The following VIM variants were observed in gnomAD, a reference collection of about 807,000 sequenced individuals.
VIM encodes the protein epididymis secretory sperm binding protein.
In VIM, 18 loss-of-function variants were observed where a neutral mutation model predicts 50.3. That is an observed-to-expected ratio of 0.36 (90% confidence interval 0.25 to 0.53). VIM has a LOEUF of 0.53. Ranked by LOEUF, VIM falls within the 20% of genes least tolerant of loss-of-function variation. The probability of loss-of-function intolerance (pLI) is 0.91; values close to 1 mark genes in which losing one functional copy is unlikely to be tolerated. For synonymous variants in VIM, 245 were observed against 248.5 expected, an observed-to-expected ratio of 0.99 and a Z score of 0.13; for missense variants, 551 against 614.7, an observed-to-expected ratio of 0.90 and a Z score of 1.10.
intron 3 of VIM, among the ~76,000 whole-genome samples, chr10:17,231,415 A>T (rs906515167): frequency 1.3e-5 from 2 of 152,212 alleles, no homozygotes; most frequent in African/African-American, 4.8e-5. Context: ...TATGGGCTTC[A>T]CTATGGAATG....
chr10:17,235,023 G>C, intron 6 of VIM, 146 bp from the exon 7 acceptor site: 1 of 1,161,270 alleles, frequency 8.6e-7, no homozygotes, highest in South Asian at 1.3e-5. Context: ...TAATATGAAG[G>C]ACTTGGTACT....
chr10:17,229,144 A>ACCACCC, intron 1 of VIM, 132 bp from the exon 2 acceptor site: 1 of 176,160 alleles, frequency 5.7e-6, no homozygotes, highest in South Asian at 6.2e-5. Flanking sequence ...GGGCGCCCCC[A>ACCACCC]CCCCACCCGC....
chr10:17,230,466 G>A (rs1846768198), intron 2 of VIM, 184 bp from the exon 3 acceptor site: 1 of 752,138 alleles, frequency 1.3e-6, no homozygotes, highest in African/African-American at 1.7e-5. Flanking sequence ...TTGCCCCTCT[G>A]CGCGGTGCCC....
intron 5 of VIM, 102 bp from the exon 6 acceptor site, chr10:17,234,591 C>A: frequency 6.4e-7 from 1 of 1,554,872 alleles, no homozygotes; most frequent in Non-Finnish European, 8.8e-7. Context: ...GAAATTTAAA[C>A]CTATACTGGA....
Position 17,229,149 on chromosome 10 carries a change from A to ACCCCCCC in VIM, c.-147-124_-147-123insCCCCCCC. On this transcript the variant is annotated intron_variant, in intron 1 of 9. Transcript: ENST00000544301. ...GAAGGCTCGAGGGCGCCCCCACCCC[A>ACCCCCCC]CCCGCCCACCCTCCCCGCTTCTCGC... The ACCCCCCC allele has an allele frequency of 1.3e-5, 2 of 154,162 alleles. 1 individual carries two copies. The highest frequency in any genetic ancestry group is 2.5e-5 in the Non-Finnish European group (2 of 80,554). 9.5% of individuals were successfully genotyped at this position (154,162 alleles called of 1,614,324 possible).
At chr10:17,228,897 T>C (rs1324435826) in intron 1 of VIM, 4 of 166,596 alleles carry the variant, frequency 2.4e-5, no homozygotes, top group African/African-American at 7.2e-5. Context: ...TCTCCCCGCC[T>C]GACCGCAGCC....
chr10:17,234,921 A>G (rs1846861189), intron 6 of VIM, 103 bp downstream of exon 6: 1 of 1,516,728 alleles, frequency 6.6e-7, no homozygotes. Flanking sequence ...AAAAATGTAT[A>G]TCATAATGCA....
In VIM at chr10:17,237,211, G is replaced by GT; in HGVS notation, c.1360-19_1360-18insT. ...TGGCATGTGGCATTATATTTATTTT[G>GT]GTTTTTTTTTTTAAACAGGTTATCA... is the stretch of plus-strand genomic sequence containing the variant. On this transcript the variant is annotated intron_variant, in intron 9 of 9. Coordinates refer to ENST00000544301, the MANE Select transcript of VIM (RefSeq NM_003380.5). 12 of 1,580,770 alleles carry GT rather than the reference G, an allele frequency of 7.6e-6. No homozygotes were observed. The highest frequency in any genetic ancestry group is 4.6e-5 in the South Asian group (4 of 87,862).
chr10:17,235,099 T>C, intron 6 of VIM, 70 bp from the exon 7 acceptor site: 1 of 1,557,158 alleles, frequency 6.4e-7, no homozygotes, highest in Non-Finnish European at 8.8e-7. Context: ...GCAGAAGGTC[T>C]GTAAATGGTT....
chr10:17,236,500 C>A, intron 9 of VIM, 121 bp downstream of exon 9: 1 of 843,874 alleles, frequency 1.2e-6, no homozygotes, highest in Non-Finnish European at 2.0e-6. Context: ...TTCATTCATG[C>A]CTACTAAAAA....
At position 17,229,678 on chromosome 10, in the gene VIM, T is replaced by C. The variant is rs1324531976; in HGVS notation, c.256T>C (p.Phe86Leu). ...GVRLLQDSVD[F>L]SLADAINTEF... Reference sequence around the variant, plus strand: ...GCGGCTCCTGCAGGACTCGGTGGACTTCTCGCTGGCCGACGCCATCAACAC... The same window carrying C: ...GCGGCTCCTGCAGGACTCGGTGGACCTCTCGCTGGCCGACGCCATCAACAC... Residue 86 changes from phenylalanine to leucine, a missense_variant, in exon 2 of 10, where the codon TTC becomes CTC. Phe to Leu is a conservative substitution (Grantham distance 22). This residue lies in a region of VIM where 134 missense variants were observed against 126.4 expected (regional missense o/e 1.06). Coordinates refer to ENST00000544301, the MANE Select transcript of VIM (RefSeq NM_003380.5). 1.3e-6 allele frequency: 2 copies of C among 1,562,158 alleles called. No homozygotes were observed. The highest frequency in any genetic ancestry group is 1.7e-6 in the Non-Finnish European group (2 of 1,153,126).
chr10:17,236,428 T>C (rs778514524), intron 9 of VIM, 49 bp downstream of exon 9: 2 of 1,440,138 alleles, frequency 1.4e-6, no homozygotes, highest in Non-Finnish European at 2.0e-6. Context: ...CAGGAGTTGA[T>C]ATATTTTAAA....
chr10:17,237,352 G>C lies in VIM; in HGVS notation c.*81G>C. 7.0e-7 allele frequency: 1 copy of C among 1,425,352 alleles called. No homozygotes were observed. Among genetic ancestry groups the C allele is most frequent in the South Asian group, 1.2e-5 (1 of 80,220 alleles). 88.3% of individuals were successfully genotyped at this position (1,425,352 alleles called of 1,614,324 possible). ...CATATCTTAAAGAAACAGCTTTCAA[G>C]TGCCTTTCTGCAGTTTTTCAGGAGC... On this transcript the variant is annotated 3_prime_UTR_variant, in exon 10 of 10. Coordinates refer to ENST00000544301, the MANE Select transcript of VIM (RefSeq NM_003380.5).
In VIM at chr10:17,236,302, C is replaced by A; in HGVS notation, c.1282C>A (p.Leu428Met). 6.2e-7 allele frequency: 1 copy of A among 1,613,170 alleles called. No homozygotes were observed. Among genetic ancestry groups the A allele is most frequent in the Non-Finnish European group, 8.5e-7 (1 of 1,179,204 alleles). Residue 428 changes from leucine (L) to methionine (M), a missense_variant, in exon 9 of 10, where the codon CTG becomes ATG. Physicochemically the swap from Leu to Met is conservative, Grantham distance 15. Coordinates refer to ENST00000544301, the MANE Select transcript of VIM (RefSeq NM_003380.5). ...CCTGTTTGTTTATTTAGAAACTAATCTGGATTCACTCCCTCTGGTTGATAC... is the reference window on the plus strand; with the variant it reads ...CCTGTTTGTTTATTTAGAAACTAATATGGATTCACTCCCTCTGGTTGATAC... ...FSSLNLRETN[L>M]DSLPLVDTHS...
Position 17,229,931 on chromosome 10 carries a change from G to T in VIM, c.509G>T (p.Arg170Leu), listed in dbSNP as rs1846753969. 1 of 1,612,878 alleles carries T rather than the reference G, an allele frequency of 6.2e-7. No homozygotes were observed. The highest frequency in any genetic ancestry group is 1.3e-5 in the African/African-American group (1 of 74,950). The stretch of plus-strand genomic sequence containing the variant: ...GACCAGCTAACCAACGACAAAGCCC[G>T]CGTCGAGGTGGAGCGCGACAACCTG... ...QVDQLTNDKA[R>L]VEVERDNLAE... The change falls in exon 2 of 10, where the codon CGC becomes CTC. Residue 170 changes from arginine to leucine, a missense_variant. Physicochemically the swap from Arg to Leu is moderately radical, Grantham distance 102 (BLOSUM62 -2). Transcript: ENST00000544301.
intron 7 of VIM, chr10:17,235,621 C>T (rs1237239439): frequency 1.7e-5 from 12 of 689,628 alleles, no homozygotes; most frequent in Non-Finnish European, 3.0e-5. Context: ...AAAGCCTCCA[C>T]TCCTAACTCC....
At chr10:17,228,767 C>G (rs1846724652) in intron 1 of VIM, 1 of 154,012 alleles carries the variant, frequency 6.5e-6, no homozygotes, top group Admixed American at 6.5e-5. Context: ...GCCCTGCGTT[C>G]CTGCGCTGTG....
At chr10:17,233,954 T>G (rs1280051253) in intron 5 of VIM, 23 bp downstream of exon 5, 5 of 1,602,408 alleles carry the variant, frequency 3.1e-6, no homozygotes, top group Non-Finnish European at 3.4e-6. Context: ...TCAGTGCGGC[T>G]TCAACCAAAG....
At chr10:17,232,572 T>C (rs1846816362) in intron 3 of VIM, among the ~76,000 whole-genome samples, 1 of 152,174 alleles carries the variant, frequency 6.6e-6, no homozygotes, top group Non-Finnish European at 1.5e-5. Context: ...TCAAAGGAGT[T>C]TTAGAAGAAA....
Sources: allele counts gnomAD v4.1 joint callset (sites outside exome capture counted in the v4.1 genomes callset), GRCh38; gene constraint gnomAD v4.1.1; regional missense constraint gnomAD v4.1.1; transcripts MANE v1.5; gene names NCBI Gene and HGNC (gene_info 2026-07-23, HGNC 2026-07-21).